The following BRSK1 variants were observed in gnomAD, a reference collection of about 807,000 sequenced individuals.
BRSK1 encodes the protein BR serine/threonine kinase 1.
BRSK1 carries 17 observed loss-of-function variants against 86.2 expected under a neutral mutation model. The observed-to-expected ratio is 0.20, with a 90% CI of 0.14 to 0.30. BRSK1 has a LOEUF of 0.30. Ranked by LOEUF, BRSK1 falls within the 10% of genes least tolerant of loss-of-function variation. The probability of loss-of-function intolerance (pLI) is 1.00; values close to 1 mark genes in which losing one functional copy is unlikely to be tolerated. For missense variants in BRSK1, 719 were observed against 1,071.9 expected (o/e 0.67, Z 4.60); for synonymous variants, 464 against 440.1 (o/e 1.05, Z -0.68).
Position 55,287,559 on chromosome 19 carries a change from T to C in BRSK1, c.317+260T>C, listed in dbSNP as rs1419742378. ...TCCCCAGCTCCAGCTCCTCGCCCTG[T>C]GGCACTGCATGGAATGCGCTCTGCT... is the stretch of plus-strand genomic sequence containing the variant. On this transcript the variant is annotated intron_variant, in intron 3 of 18. Transcript: ENST00000309383. This position sits in a 1 kb window ranked among gnomAD's most constrained non-coding sequence, Gnocchi z 5.3. Among the ~76,000 whole-genome samples the C allele has an allele frequency of 6.6e-6, 1 of 152,240 alleles. No homozygotes were observed. Among genetic ancestry groups the C allele is most frequent in the Non-Finnish European group, 1.5e-5 (1 of 68,036 alleles).
rs1180536809 is a variant in BRSK1, at chr19:55,306,272, T to C, written c.1911T>C (p.Ser637=). The C allele has an allele frequency of 1.4e-5, 22 of 1,613,994 alleles. No individual in the cohort carries two copies. Among genetic ancestry groups the C allele is most frequent in the Non-Finnish European group, 1.9e-5 (22 of 1,180,048 alleles). ...AFLSIPSLSH[S]VLSQTSFRAE... is the part of the protein sequence containing the mutation. ...CTCAGATCCCCAGCCTGAGTCACAG[T>C]GTGCTGTCACAGACCAGCTTCAGGG... is the stretch of plus-strand genomic sequence containing the variant. Residue 637 remains serine (S), a synonymous_variant, in exon 17 of 19, where the codon AGT becomes AGC. Transcript: ENST00000309383. The surrounding 1 kb of genome is among the most constrained non-coding windows in gnomAD (Gnocchi z 4.7).
chr19:55,305,497 T>C lies in BRSK1; in HGVS notation c.1801T>C (p.Ser601Pro). Residue 601 changes from serine (S) to proline (P), a missense_variant, in exon 16 of 19, where the codon TCC becomes CCC. Ser to Pro is a moderately conservative substitution (Grantham distance 74). This residue lies in a region of BRSK1 where 180 missense variants were observed against 259.4 expected (regional missense o/e 0.69). Transcript: ENST00000309383. ...AKRSWFGNFI[S>P]LDKEEQIFLV... is the part of the protein sequence containing the mutation. ...ACGCTCCTGGTTCGGGAACTTCATCTCCTTGGACAAAGAAGAACAAATATT... is the reference window on the plus strand; with the variant it reads ...ACGCTCCTGGTTCGGGAACTTCATCCCCTTGGACAAAGAAGAACAAATATT... The C allele has an allele frequency of 1.9e-6, 3 of 1,614,106 alleles. No homozygotes were observed. The highest frequency in any genetic ancestry group is 2.5e-6 in the Non-Finnish European group (3 of 1,180,008).
chr19:55,294,258 G>A lies in BRSK1; in HGVS notation c.609+11G>A, dbSNP rs1182126160. The A allele has an allele frequency of 1.9e-6, 3 of 1,614,126 alleles. No homozygotes were observed. Among genetic ancestry groups the A allele is most frequent in the Non-Finnish European group, 2.5e-6 (3 of 1,180,012 alleles). ...CCAGAGGTGATTAAGGTGAGTGAGG[G>A]GCGGATAGAGGGGAGAGGGGTGGAG... On this transcript the variant is annotated intron_variant, in intron 6 of 18. Coordinates refer to ENST00000309383, the MANE Select transcript of BRSK1 (RefSeq NM_032430.2). The surrounding 1 kb of genome is among the most constrained non-coding windows in gnomAD (Gnocchi z 4.9).
At position 55,302,906 on chromosome 19, in the gene BRSK1, G is replaced by A; in HGVS notation, c.1028+39G>A. 2 of 1,589,304 alleles carry A rather than the reference G, an allele frequency of 1.3e-6. No homozygotes were observed. The highest frequency in any genetic ancestry group is 1.1e-5 in the South Asian group (1 of 89,868). Reference sequence around the variant, plus strand: ...ACCCCTGCACCCGTGTACCCACGTGGGGCGAGCTGCAGCAGCTCCCTGCGC... The same window carrying A: ...ACCCCTGCACCCGTGTACCCACGTGAGGCGAGCTGCAGCAGCTCCCTGCGC... On this transcript the variant is annotated intron_variant, in intron 10 of 18. Transcript: ENST00000309383. The surrounding 1 kb of genome is among the most constrained non-coding windows in gnomAD (Gnocchi z 6.3).
intron 1 of BRSK1, among the ~76,000 whole-genome samples, chr19:55,286,187 G>GAAT (rs1239173332): frequency 6.8e-6 from 1 of 146,392 alleles, no homozygotes; most frequent in Non-Finnish European, 1.5e-5. Context: ...AGGGAGGAGG[G>GAAT]GCTGGGGTCT....
chr19:55,304,952 TG>T lies in BRSK1; in HGVS notation c.1717+36del. 6.3e-7 allele frequency: 1 copy of T among 1,598,724 alleles called. No homozygotes were observed. On this transcript the variant is annotated intron_variant, in intron 14 of 18. Coordinates refer to ENST00000309383, the MANE Select transcript of BRSK1 (RefSeq NM_032430.2). This position sits in a 1 kb window ranked among gnomAD's most constrained non-coding sequence, Gnocchi z 5.2. ...GGGCATGAACTGCCGAGTCCTAATG[TG>T]GGGAGAGGTTGGGGCTAAAAATCTG... is the stretch of plus-strand genomic sequence containing the variant.
rs2088332466 is a variant in BRSK1 at position 55,287,225 on chromosome 19, G to A, written c.243G>A (p.Glu81=). Residue 81 remains glutamate (E), a synonymous_variant, in exon 3 of 19, where the codon GAG becomes GAA. Coordinates refer to ENST00000309383, the MANE Select transcript of BRSK1 (RefSeq NM_032430.2). This position sits in a 1 kb window ranked among gnomAD's most constrained non-coding sequence, Gnocchi z 5.3. ...CTCTTGACCCTCAGGTGGAGCGGGA[G>A]ATCGCCATCCTGAAGCTCATCGAAC... ...SESVLMKVER[E]IAILKLIEHP... The A allele has an allele frequency of 1.2e-6, 2 of 1,614,058 alleles. No individual in the cohort carries two copies. The highest frequency in any genetic ancestry group is 1.7e-6 in the Non-Finnish European group (2 of 1,179,958).
chr19:55,297,589 G>A (rs538142974), intron 7 of BRSK1, among the ~76,000 whole-genome samples: 2 of 152,158 alleles, frequency 1.3e-5, no homozygotes, highest in African/African-American at 2.4e-5. Context: ...ACTCCATGGG[G>A]AGAGCAGCCG....
At position 55,307,747 on chromosome 19, in the gene BRSK1, TACACACACACAC is replaced by T. The variant is rs68176323; in HGVS notation, c.2090-862_2090-851del. Among the ~76,000 whole-genome samples, 536 of 88,116 alleles carry T rather than the reference TACACACACACAC, an allele frequency of 6.1e-3. 24 individuals carry two copies. The Admixed American group carries it at 0.063, about 10-fold the overall frequency. 57.8% of individuals were successfully genotyped at this position (88,116 alleles called of 152,430 possible). A position where few individuals can be genotyped will look rare whatever the true frequency, so the allele number is the denominator to read the frequency against. ...TCTACAAAACAAACAAAAAAATTTA[TACACACACACAC>T]ACACACACACACACACACACACACA... On this transcript the variant is annotated intron_variant, in intron 17 of 18. Transcript: ENST00000309383.
At chr19:55,293,468 C>G (rs2088438262) in intron 4 of BRSK1, among the ~76,000 whole-genome samples, 1 of 151,774 alleles carries the variant, frequency 6.6e-6, no homozygotes, top group African/African-American at 2.4e-5. Context: ...TGCCACTGCA[C>G]TCCAGCCTGG....
At chr19:55,307,745 TATACACAC>T (rs1341698724) in intron 17 of BRSK1, among the ~76,000 whole-genome samples, 3 of 52,648 alleles carry the variant, frequency 5.7e-5, no homozygotes, top group Non-Finnish European at 1.0e-4. Flanking sequence ...CAAAAAAATT[TATACACAC>T]ACACACACAC....
Position 55,312,177 on chromosome 19 carries a change from C to T in BRSK1, c.*109C>T, listed in dbSNP as rs1204148758. On this transcript the variant is annotated 3_prime_UTR_variant, in exon 19 of 19. Coordinates refer to ENST00000309383, the MANE Select transcript of BRSK1 (RefSeq NM_032430.2). ...GAACATGTCGGGAGGGGGGTGGACA[C>T]AAAAACCGGCCTTGCCCTGCAGGGA... The T allele has an allele frequency of 3.6e-6, 2 of 553,758 alleles. No individual in the cohort carries two copies. Among genetic ancestry groups the T allele is most frequent in the African/African-American group, 4.0e-5 (2 of 50,130 alleles). 34.3% of individuals were successfully genotyped at this position (553,758 alleles called of 1,614,324 possible). A position where few individuals can be genotyped will look rare whatever the true frequency, so the allele number is the denominator to read the frequency against.
In BRSK1 at chr19:55,304,283, C is replaced by T. The variant is rs530278223; in HGVS notation, c.1347+173C>T. Among the ~76,000 whole-genome samples, 1 of 152,300 alleles carries T rather than the reference C, an allele frequency of 6.6e-6. No individual in the cohort carries two copies. The highest frequency in any genetic ancestry group is 6.5e-5 in the Admixed American group (1 of 15,308). Reference sequence around the variant, plus strand: ...ATTTTGGTCCATTGGCCATTTCTACCTCCTTAGGATTGCATGCCTGAAGAG... The same window carrying T: ...ATTTTGGTCCATTGGCCATTTCTACTTCCTTAGGATTGCATGCCTGAAGAG... On this transcript the variant is annotated intron_variant, in intron 13 of 18. Coordinates refer to ENST00000309383, the MANE Select transcript of BRSK1 (RefSeq NM_032430.2). The surrounding 1 kb of genome is among the most constrained non-coding windows in gnomAD (Gnocchi z 5.2).
At position 55,288,655 on chromosome 19, in the gene BRSK1, G is replaced by A. The variant is rs563225458; in HGVS notation, c.318-825G>A. 1.2e-4 allele frequency among the ~76,000 whole-genome samples: 18 copies of A among 151,796 alleles called. No homozygotes were observed. In the South Asian group the frequency reaches 2.3e-3, roughly 19 times the overall value. ...GGCTGGAGTGCAATGGCTCGATCTC[G>A]GCTCACCACAACCTCCACCTCCTGG... On this transcript the variant is annotated intron_variant, in intron 3 of 18. Coordinates refer to ENST00000309383, the MANE Select transcript of BRSK1 (RefSeq NM_032430.2).
rs183385002 is a variant in BRSK1 at position 55,292,782 on chromosome 19, C to T, written c.459-1235C>T. On this transcript the variant is annotated intron_variant, in intron 4 of 18. Coordinates refer to ENST00000309383, the MANE Select transcript of BRSK1 (RefSeq NM_032430.2). ...CCAGGAGACGGAGGTTGCAGTGAGC[C>T]GTAATCGTGCCACTGCACTGCAGCC... Among the ~76,000 whole-genome samples the T allele has an allele frequency of 3.1e-3, 476 of 151,578 alleles. 2 individuals carry two copies. The highest frequency in any genetic ancestry group is 0.011 in the African/African-American group (456 of 41,242).
In BRSK1 at chr19:55,304,789, C is replaced by G. The variant is rs1393474328; in HGVS notation, c.1586C>G (p.Thr529Ser). 2 of 1,563,720 alleles carry G rather than the reference C, an allele frequency of 1.3e-6. No individual in the cohort carries two copies. The highest frequency in any genetic ancestry group is 1.9e-5 in the Admixed American group (1 of 52,544). ...CTGCACACGCCCCGGGCCAGTCCCA[C>G]CGGGACCCCGGGGACAACACCACCC... is the stretch of plus-strand genomic sequence containing the variant. ...SPLHTPRASP[T>S]GTPGTTPPPS... Residue 529 changes from threonine to serine, a missense_variant, in exon 14 of 19, where the codon ACC becomes AGC. Thr to Ser is a moderately conservative substitution (Grantham distance 58, BLOSUM62 1). This residue lies in a region of BRSK1 where 143 missense variants were observed against 120.1 expected (regional missense o/e 1.19). Coordinates refer to ENST00000309383, the MANE Select transcript of BRSK1 (RefSeq NM_032430.2). This position sits in a 1 kb window ranked among gnomAD's most constrained non-coding sequence, Gnocchi z 5.2.
chr19:55,302,628 T>C lies in BRSK1; in HGVS notation c.858-69T>C. 1.3e-6 allele frequency: 2 copies of C among 1,533,508 alleles called. No individual in the cohort carries two copies. The highest frequency in any genetic ancestry group is 1.8e-6 in the Non-Finnish European group (2 of 1,132,948). The allele number at this position is 1,533,508 out of a possible 1,614,324, so 95.0% of individuals were successfully genotyped here. A position where few individuals can be genotyped will look rare whatever the true frequency, so the allele number is the denominator to read the frequency against. ...ACTCGGATTTCGGGGTCCGGGATCA[T>C]TGAGTCTAGAATGAAGAATGCTGAA... On this transcript the variant is annotated intron_variant, in intron 9 of 18. Transcript: ENST00000309383. The surrounding 1 kb of genome is among the most constrained non-coding windows in gnomAD (Gnocchi z 6.3).
chr19:55,304,543 C>T lies in BRSK1; in HGVS notation c.1348-8C>T, dbSNP rs200745300. 1.7e-3 allele frequency: 2,625 copies of T among 1,571,816 alleles called. 5 individuals carry two copies. The highest frequency in any genetic ancestry group is 2.0e-3 in the Non-Finnish European group (2,377 of 1,163,248). Reference sequence around the variant, plus strand: ...CACTCGCTTATCTCAGTCTCCTGTCCTCTGCAGAGTCCGGTCTTTTCCTTT... The same window carrying T: ...CACTCGCTTATCTCAGTCTCCTGTCTTCTGCAGAGTCCGGTCTTTTCCTTT... On this transcript the variant is annotated splice_region_variant and splice_polypyrimidine_tract_variant and intron_variant, in intron 13 of 18. Transcript: ENST00000309383. The surrounding 1 kb of genome is among the most constrained non-coding windows in gnomAD (Gnocchi z 5.2).
intron 14 of BRSK1, 120 bp downstream of exon 14, chr19:55,305,040 G>A: frequency 2.1e-6 from 3 of 1,440,518 alleles, no homozygotes; most frequent in Non-Finnish European, 2.8e-6. Flanking sequence ...GGATTCCCAC[G>A]TTCTAGAGAA....
Sources: gnomAD v4.1 joint callset for allele counts (sites outside exome capture counted in the v4.1 genomes callset) on GRCh38, gnomAD v4.1.1 for gene constraint, gnomAD v4.1.1 regional missense constraint, Gnocchi (gnomAD v3.1) non-coding constraint, MANE v1.5 for transcripts, NCBI Gene and HGNC (gene_info 2026-07-23, HGNC 2026-07-21) for gene names.